Variants in SPTLC1 observed in about 807,000 individuals in gnomAD.
The protein encoded by SPTLC1 is serine palmitoyltransferase 1.
SPTLC1 carries 55 observed loss-of-function variants against 68.9 expected under a neutral mutation model. The observed-to-expected ratio is 0.80, with a 90% confidence interval of 0.64 to 1.00. The LOEUF is 1.00. SPTLC1 is among the 50% of genes least tolerant of loss of function. The pLI, the probability that SPTLC1 is intolerant of heterozygous loss-of-function variation, is 0.00. For synonymous variants in SPTLC1, 197 were observed against 201.6 expected, an observed-to-expected ratio of 0.98 and a Z score of 0.19; for missense variants, 449 against 573.1, an observed-to-expected ratio of 0.78 and a Z score of 2.21.
chr9:92,072,057 G>A (rs79495067), intron 5 of SPTLC1, among the ~76,000 whole-genome samples: 5,297 of 152,232 alleles, frequency 0.035, 148 homozygotes, highest in South Asian at 0.092. Context: ...TCACTTGCAC[G>A]CGAGTGAATA....
chr9:92,085,396 T>C (rs1286231944), intron 3 of SPTLC1, among the ~76,000 whole-genome samples: 1 of 151,828 alleles, frequency 6.6e-6, no homozygotes, highest in African/African-American at 2.4e-5. Context: ...TAAATTTCCC[T>C]CTACACACTG....
At chr9:92,090,735 A>AG (rs1485900405) in intron 3 of SPTLC1, among the ~76,000 whole-genome samples, 6 of 152,050 alleles carry the variant, frequency 3.9e-5, no homozygotes, top group Admixed American at 2.0e-4. Context: ...GAAAAAAAAA[A>AG]GAAATGAAAA....
At chr9:92,077,992 CAG>C (rs1223435064) in intron 5 of SPTLC1, among the ~76,000 whole-genome samples, 1 of 152,154 alleles carries the variant, frequency 6.6e-6, no homozygotes, top group Admixed American at 6.5e-5. Flanking sequence ...CTTCCTTAGC[CAG>C]AGATTGTTGG....
chr9:92,093,225 A>C (rs1012965045), intron 3 of SPTLC1, among the ~76,000 whole-genome samples: 2 of 152,234 alleles, frequency 1.3e-5, no homozygotes, highest in Non-Finnish European at 2.9e-5. Flanking sequence ...AGATGCAGAA[A>C]TAACATTTGA....
chr9:92,059,266 T>C lies in SPTLC1; in HGVS notation c.603A>G (p.Ala201=), dbSNP rs1362860691. The change falls in exon 7 of 15, where the codon GCA becomes GCG. Residue 201 remains alanine, a synonymous_variant. Coordinates refer to ENST00000262554, the MANE Select transcript of SPTLC1 (RefSeq NM_006415.4). The part of the protein sequence containing the change: ...ACFAIQKGLQ[A]SRSDIKLFKH... ...TAAATAACTTAATGTCACTACGGGA[T>C]GCCTGTAATCCTTTCTGAATAGCAA... 1 of 1,614,106 alleles carries C rather than the reference T, an allele frequency of 6.2e-7. No individual in the cohort carries two copies. The highest frequency in any genetic ancestry group is 8.5e-7 in the Non-Finnish European group (1 of 1,179,992).
At chr9:92,071,505 C>T (rs1437543825) in intron 5 of SPTLC1, among the ~76,000 whole-genome samples, 1 of 152,154 alleles carries the variant, frequency 6.6e-6, no homozygotes, top group African/African-American at 2.4e-5. Context: ...CATACAGAGC[C>T]AAATGTTTTT....
At chr9:92,079,882 T>G in intron 5 of SPTLC1, 134 bp downstream of exon 5, 1 of 796,920 alleles carries the variant, frequency 1.3e-6, no homozygotes. Context: ...ATCAAATTCC[T>G]GGGCTCAAGG....
intron 3 of SPTLC1, among the ~76,000 whole-genome samples, chr9:92,083,643 G>A (rs1834989089): frequency 6.6e-6 from 1 of 152,128 alleles, no homozygotes; most frequent in Admixed American, 6.5e-5. Context: ...GGTTACTGTA[G>A]CCTTGTAGTA....
intron 5 of SPTLC1, among the ~76,000 whole-genome samples, chr9:92,071,922 C>G (rs974039067): frequency 6.6e-6 from 1 of 152,214 alleles, no homozygotes; most frequent in Non-Finnish European, 1.5e-5. Context: ...GATAATGTAC[C>G]TTGTGACATT....
chr9:92,099,480 C>CTTTT (rs201801428), intron 3 of SPTLC1, among the ~76,000 whole-genome samples: 1 of 141,860 alleles, frequency 7.0e-6, no homozygotes, highest in Non-Finnish European at 1.6e-5. Context: ...TTTTACTGTA[C>CTTTT]TTTTTTTTTT....
intron 6 of SPTLC1, among the ~76,000 whole-genome samples, chr9:92,060,452 T>C (rs1264488325): frequency 1.3e-5 from 2 of 151,888 alleles, no homozygotes; most frequent in East Asian, 3.9e-4. Context: ...GCAAATGAAA[T>C]AATAAAAAGC....
chr9:92,067,888 C>A, intron 6 of SPTLC1, 78 bp downstream of exon 6: 1 of 1,502,988 alleles, frequency 6.7e-7, no homozygotes, highest in Non-Finnish European at 9.2e-7. Flanking sequence ...CAGATAACTT[C>A]TAATGAAGTA....
intron 7 of SPTLC1, among the ~76,000 whole-genome samples, chr9:92,057,516 G>A (rs747064808): frequency 3.9e-5 from 6 of 152,272 alleles, no homozygotes; most frequent in South Asian, 2.1e-4. Flanking sequence ...TTAAAAACAT[G>A]CCCTAATTTA....
chr9:92,101,561 C>CAAAAAAA (rs61125464), intron 3 of SPTLC1, among the ~76,000 whole-genome samples: 11 of 45,932 alleles, frequency 2.4e-4, no homozygotes, highest in East Asian at 5.3e-4. Context: ...GACTCCGTCT[C>CAAAAAAA]AAAAAAAAAA....
chr9:92,044,819 T>C (rs1378253601), intron 12 of SPTLC1, among the ~76,000 whole-genome samples: 2 of 152,036 alleles, frequency 1.3e-5, no homozygotes, highest in African/African-American at 4.8e-5. Flanking sequence ...AGTGACAGCA[T>C]AAGGCCAGGC....
At chr9:92,051,170 C>A (rs1833692415) in intron 8 of SPTLC1, 2 of 981,560 alleles carry the variant, frequency 2.0e-6, no homozygotes, top group South Asian at 9.4e-5. Context: ...TACATCTCTT[C>A]TATTGATACT....
Position 92,101,659 on chromosome 9 carries a change from C to A in SPTLC1, c.260+7081G>T, listed in dbSNP as rs1835760293. On this transcript the variant is annotated intron_variant, in intron 3 of 14. Coordinates refer to ENST00000262554, the MANE Select transcript of SPTLC1 (RefSeq NM_006415.4). ...GAATGAATTAAATTAAAAAGTACCA[C>A]TGACAGCTTCAATGGCACACTAGAT... Among the ~76,000 whole-genome samples, 5 of 142,428 alleles carry A rather than the reference C, an allele frequency of 3.5e-5. No individual in the cohort carries two copies. The South Asian group carries it at 1.2e-3, about 34-fold the overall frequency. The allele number at this position is 142,428 out of a possible 152,430, so 93.4% of individuals were successfully genotyped here. A position where few individuals can be genotyped will look rare whatever the true frequency, so the allele number is the denominator to read the frequency against.
Position 92,049,959 on chromosome 9 carries a change from C to T in SPTLC1, c.888+1G>A. 6.3e-7 allele frequency: 1 copy of T among 1,595,420 alleles called. No homozygotes were observed. On this transcript the variant is annotated splice_donor_variant, in intron 9 of 14. Coordinates refer to ENST00000262554, the MANE Select transcript of SPTLC1 (RefSeq NM_006415.4). LOFTEE classifies it high-confidence loss of function. ...AACGTTCTTAAAAAAGGGGAACTTA[C>T]ATTGATTCCATAGTGTTCAGTGACT...
intron 7 of SPTLC1, 119 bp downstream of exon 7, chr9:92,059,060 A>G: frequency 8.4e-7 from 1 of 1,189,944 alleles, no homozygotes; most frequent in South Asian, 1.4e-5. Flanking sequence ...AAGCAGGAAC[A>G]CCTTAATATC....
Sources: allele counts gnomAD v4.1 joint callset (sites outside exome capture counted in the v4.1 genomes callset), GRCh38; gene constraint gnomAD v4.1.1; transcripts MANE v1.5; gene names NCBI Gene and HGNC (gene_info 2026-07-23, HGNC 2026-07-21).